ZNF385D: variants seen among roughly 807,000 people sequenced by gnomAD.
ZNF385D encodes zinc finger protein 659.
In ZNF385D, 15 loss-of-function variants were observed where a neutral mutation model predicts 35.8. That is an observed-to-expected ratio of 0.42 (90% CI 0.28 to 0.64). The LOEUF is 0.64. Among genes scored for constraint, ZNF385D ranks in the 30% least tolerant of loss-of-function variants. The pLI is 0.23. For missense variants in ZNF385D, 474 were observed against 494.6 expected, an observed-to-expected ratio of 0.96 and a Z score of 0.39; for synonymous variants, 212 against 186.8, an observed-to-expected ratio of 1.13 and a Z score of -1.10.
intron 2 of ZNF385D, among the ~76,000 whole-genome samples, chr3:21,578,787 T>G (rs1244726806): frequency 6.6e-6 from 1 of 152,212 alleles, no homozygotes; most frequent in Non-Finnish European, 1.5e-5. Flanking sequence ...GCTTTGTTCT[T>G]TTTGTTCTGC....
chr3:22,217,013 T>C (rs1441542574), intron 2 of ZNF385D, among the ~76,000 whole-genome samples: 1 of 152,172 alleles, frequency 6.6e-6, no homozygotes, highest in Non-Finnish European at 1.5e-5. Context: ...ATCTATTGCA[T>C]TAAACATTTT....
At chr3:21,530,045 T>A (rs1254320154) in intron 3 of ZNF385D, among the ~76,000 whole-genome samples, 1 of 152,022 alleles carries the variant, frequency 6.6e-6, no homozygotes, top group African/African-American at 2.4e-5. Context: ...GACTTATTAC[T>A]CTATTAGTTC....
chr3:21,716,446 C>G (rs918431779), intron 1 of ZNF385D, among the ~76,000 whole-genome samples: 2 of 152,188 alleles, frequency 1.3e-5, no homozygotes, highest in African/African-American at 4.8e-5. Flanking sequence ...CTGTGCTCCT[C>G]TCATGTCCCT....
At chr3:21,687,946 A>G (rs1306115139) in intron 1 of ZNF385D, among the ~76,000 whole-genome samples, 2 of 152,032 alleles carry the variant, frequency 1.3e-5, no homozygotes, top group African/African-American at 4.8e-5. Context: ...CAGGCTTGGA[A>G]TGCAGTAGCA....
At chr3:21,730,802 T>C (rs1575550021) in intron 1 of ZNF385D, among the ~76,000 whole-genome samples, 1 of 152,256 alleles carries the variant, frequency 6.6e-6, no homozygotes, top group Non-Finnish European at 1.5e-5. Context: ...TGGGCCTTAC[T>C]TTCATTATTT....
At chr3:21,976,644 G>C (rs1252478612) in intron 3 of ZNF385D, among the ~76,000 whole-genome samples, 1 of 152,152 alleles carries the variant, frequency 6.6e-6, no homozygotes, top group Non-Finnish European at 1.5e-5. Flanking sequence ...ATTAACTCCA[G>C]AATTGGTAAA....
intron 3 of ZNF385D, among the ~76,000 whole-genome samples, chr3:22,122,946 G>C (rs529514202): frequency 6.6e-6 from 1 of 152,296 alleles, no homozygotes; most frequent in East Asian, 1.9e-4. Context: ...TTTAAGAAAA[G>C]TATTAGGAGA....
intron 3 of ZNF385D, among the ~76,000 whole-genome samples, chr3:22,141,081 A>G (rs1249040776): frequency 6.6e-6 from 1 of 152,218 alleles, no homozygotes; most frequent in Non-Finnish European, 1.5e-5. Flanking sequence ...ACTGTAGCCC[A>G]TTTGAAAGCC....
intron 3 of ZNF385D, among the ~76,000 whole-genome samples, chr3:21,999,759 C>G (rs1194009211): frequency 8.4e-6 from 1 of 118,346 alleles, no homozygotes; most frequent in Non-Finnish European, 1.7e-5. Context: ...TTGTAAAATA[C>G]CCCAGTCAGG....
At chr3:22,157,445 T>A (rs1367142077) in intron 3 of ZNF385D, among the ~76,000 whole-genome samples, 1 of 152,098 alleles carries the variant, frequency 6.6e-6, no homozygotes, top group Non-Finnish European at 1.5e-5. Flanking sequence ...TTTTCTTCTT[T>A]CTTTTTGTTG....
intron 3 of ZNF385D, among the ~76,000 whole-genome samples, chr3:21,515,258 T>C (rs1015570632): frequency 6.6e-6 from 1 of 152,218 alleles, no homozygotes; most frequent in Admixed American, 6.5e-5. Flanking sequence ...TAAAATTCAC[T>C]GAGAAGTTAC....
chr3:22,343,861 C>T (rs1283660938), intron 2 of ZNF385D, among the ~76,000 whole-genome samples: 3 of 152,064 alleles, frequency 2.0e-5, no homozygotes, highest in African/African-American at 7.2e-5. Context: ...ATCTAAATTA[C>T]CTGGAATGCT....
chr3:21,667,056 G>T (rs555344648), intron 1 of ZNF385D, among the ~76,000 whole-genome samples: 8 of 152,168 alleles, frequency 5.3e-5, no homozygotes, highest in Non-Finnish European at 1.0e-4. Flanking sequence ...CAGCCTGGGC[G>T]ACAGAGCAAG....
At chr3:22,100,192 G>C (rs1253898518) in intron 3 of ZNF385D, among the ~76,000 whole-genome samples, 1 of 143,984 alleles carries the variant, frequency 6.9e-6, no homozygotes, top group Admixed American at 7.0e-5. Context: ...AACAGGTGCT[G>C]GAGAGGATGT....
intron 4 of ZNF385D, among the ~76,000 whole-genome samples, chr3:21,444,973 G>C (rs1575157585): frequency 6.6e-6 from 1 of 152,266 alleles, no homozygotes; most frequent in African/African-American, 2.4e-5. Flanking sequence ...AAGCTAATGA[G>C]ATGAAGAAGG....
chr3:21,449,234 C>T (rs1702324301), intron 4 of ZNF385D, among the ~76,000 whole-genome samples: 1 of 151,336 alleles, frequency 6.6e-6, no homozygotes, highest in Admixed American at 6.6e-5. Flanking sequence ...ACCATCTATA[C>T]TGGCCATTCT....
chr3:21,573,072 C>G (rs560337987), intron 2 of ZNF385D, among the ~76,000 whole-genome samples: 1 of 152,050 alleles, frequency 6.6e-6, no homozygotes, highest in Non-Finnish European at 1.5e-5. Context: ...AATCTAACTC[C>G]GCAGTCTGTA....
chr3:21,759,737 A>G (rs2070516346), intron 3 of ZNF385D, among the ~76,000 whole-genome samples: 1 of 152,150 alleles, frequency 6.6e-6, no homozygotes, highest in Non-Finnish European at 1.5e-5. Context: ...ATGTTTGCAA[A>G]CAAAATGAAG....
At position 21,775,185 on chromosome 3, in the gene ZNF385D, G is replaced by C. The variant is rs182981318; in HGVS notation, c.326-110157C>G. Among the ~76,000 whole-genome samples, 9 of 151,920 alleles carry C rather than the reference G, an allele frequency of 5.9e-5. No homozygotes were observed. In the South Asian group the frequency reaches 6.2e-4, roughly 11 times the overall value. The stretch of plus-strand genomic sequence containing the variant: ...ATGGAAAATCAAGTAAATTCATCTG[G>C]ATGAAGGGTGGGCTTTGAGTATCTT... On this transcript the variant is annotated intron_variant, in intron 3 of 5. Coordinates refer to the ZNF385D transcript ENST00000494108.
Sources: gnomAD v4.1 joint callset for allele counts (sites outside exome capture counted in the v4.1 genomes callset) on GRCh38, gnomAD v4.1.1 for gene constraint, MANE v1.5 for transcripts, NCBI Gene and HGNC (gene_info 2026-07-23, HGNC 2026-07-21) for gene names.